CALCRL: variants seen among roughly 807,000 people sequenced by gnomAD.
CALCRL encodes calcitonin gene-related peptide type 1 receptor.
In CALCRL, 27 loss-of-function variants were observed where a neutral mutation model predicts 60.4. The ratio of observed to expected loss-of-function variants is 0.45; its 90% confidence interval spans 0.33 to 0.62. The LOEUF (loss-of-function observed/expected upper bound fraction) is 0.62, where lower values mean the gene tolerates loss of function less well. Ranked by LOEUF, CALCRL falls within the 20% of genes least tolerant of loss-of-function variation. CALCRL has a pLI of 0.03. For synonymous variants in CALCRL, 190 were observed against 182.6 expected, an observed-to-expected ratio of 1.04 and a Z score of -0.33; for missense variants, 424 against 540.7, an observed-to-expected ratio of 0.78 and a Z score of 2.14.
chr2:187,403,716 T>C (rs1013885306), intron 1 of CALCRL, among the ~76,000 whole-genome samples: 15 of 151,658 alleles, frequency 9.9e-5, no homozygotes, highest in Admixed American at 6.6e-5. Context: ...AAGCTTGAGG[T>C]CTCTGGGGAA....
chr2:187,375,969 T>C (rs1687740364), intron 8 of CALCRL, among the ~76,000 whole-genome samples: 1 of 152,216 alleles, frequency 6.6e-6, no homozygotes. Context: ...ATACAGTTTA[T>C]GTGTGTAGAC....
At chr2:187,435,865 C>CGTGT (rs5837037) in intron 1 of CALCRL, among the ~76,000 whole-genome samples, 46,688 of 148,120 alleles carry the variant, frequency 0.32, 7,365 homozygotes, top group East Asian at 0.47. Flanking sequence ...TGTGTTTGTG[C>CGTGT]GTGCGTGTGT....
At chr2:187,405,531 C>A (rs1315406840) in intron 1 of CALCRL, among the ~76,000 whole-genome samples, 1 of 151,898 alleles carries the variant, frequency 6.6e-6, no homozygotes, top group Non-Finnish European at 1.5e-5. Context: ...CTCATCATCC[C>A]GAGGACAGTA....
intron 1 of CALCRL, among the ~76,000 whole-genome samples, chr2:187,414,446 C>A (rs1003731896): frequency 6.6e-6 from 1 of 152,118 alleles, no homozygotes; most frequent in African/African-American, 2.4e-5. Flanking sequence ...TTAATGTAGG[C>A]AGCAGCATGT....
chr2:187,429,181 T>A (rs1224020171), intron 1 of CALCRL, among the ~76,000 whole-genome samples: 1 of 151,908 alleles, frequency 6.6e-6, no homozygotes, highest in Non-Finnish European at 1.5e-5. Flanking sequence ...CCCTTTATAT[T>A]TTTTTTATTT....
In CALCRL at chr2:187,379,110, A is replaced by G. The variant is rs891996630; in HGVS notation, c.409-79T>C. ...GTAATCCCACACATGCAGAAGTTCA[A>G]ATTCAGTTGAATAAACTATATTTTT... On this transcript the variant is annotated intron_variant, in intron 7 of 14. Transcript: ENST00000392370. 5 of 705,788 alleles carry G rather than the reference A, an allele frequency of 7.1e-6. No individual in the cohort carries two copies. In the African/African-American group the frequency reaches 8.8e-5, roughly 12 times the overall value. 43.7% of individuals were successfully genotyped at this position (705,788 alleles called of 1,614,324 possible).
rs928406450 is a variant in CALCRL at position 187,387,865 on chromosome 2, A to G, written c.-292-109T>C. The G allele has an allele frequency of 1.4e-4, 53 of 367,664 alleles. 1 individual carries two copies. The highest frequency in any genetic ancestry group is 1.4e-5 in the Non-Finnish European group (3 of 207,834). 22.8% of individuals were successfully genotyped at this position (367,664 alleles called of 1,614,324 possible). ...ATACTGCTACTAAGATCATATTTTT[A>G]TTGAACAATTCCAACTTTGAAAAGC... On this transcript the variant is annotated intron_variant, in intron 1 of 14. Coordinates refer to ENST00000392370, the MANE Select transcript of CALCRL (RefSeq NM_005795.6).
intron 1 of CALCRL, among the ~76,000 whole-genome samples, chr2:187,391,226 C>T: frequency 6.6e-6 from 1 of 152,160 alleles, no homozygotes; most frequent in East Asian, 1.9e-4. Flanking sequence ...TCAGCAAGTA[C>T]TTCTCTCTAT....
chr2:187,438,413 A>G (rs1347130923), intron 1 of CALCRL, among the ~76,000 whole-genome samples: 2 of 152,228 alleles, frequency 1.3e-5, no homozygotes, highest in African/African-American at 4.8e-5. Context: ...TTAATAAATT[A>G]CAGACTGACA....
At chr2:187,386,051 C>G (rs1251543521) in intron 3 of CALCRL, among the ~76,000 whole-genome samples, 2 of 152,022 alleles carry the variant, frequency 1.3e-5, no homozygotes, top group African/African-American at 4.8e-5. Flanking sequence ...TGTTTAAGAA[C>G]ATTATGGTGT....
At chr2:187,435,891 T>TGTGTGTGC (rs1194585803) in intron 1 of CALCRL, among the ~76,000 whole-genome samples, 2 of 151,586 alleles carry the variant, frequency 1.3e-5, no homozygotes, top group Non-Finnish European at 2.9e-5. Flanking sequence ...TGTGTGTGTG[T>TGTGTGTGC]GTGTATTTAC....
In CALCRL at chr2:187,380,705, A is replaced by G. The variant is rs1687949466; in HGVS notation, c.267T>C (p.Pro89=). 7 of 1,613,930 alleles carry G rather than the reference A, an allele frequency of 4.3e-6. No homozygotes were observed. The highest frequency in any genetic ancestry group is 1.7e-5 in the Admixed American group (1 of 59,990). Residue 89 remains proline, a synonymous_variant, in exon 6 of 15, where the codon CCT becomes CCC. Transcript: ENST00000392370. ...AAGTESMQLC[P]DYFQDFDPSE... Reference sequence around the variant, plus strand: ...ATGGATCAAAGTCCTGAAAGTAATCAGGGCAGAGCTGCATTGATTCAGTTC... The same window carrying G: ...ATGGATCAAAGTCCTGAAAGTAATCGGGGCAGAGCTGCATTGATTCAGTTC...
chr2:187,411,104 C>G (rs1232096108), intron 1 of CALCRL, among the ~76,000 whole-genome samples: 1 of 152,036 alleles, frequency 6.6e-6, no homozygotes, highest in Non-Finnish European at 1.5e-5. Context: ...AACAAATTTT[C>G]TCTTTTAAAT....
intron 1 of CALCRL, among the ~76,000 whole-genome samples, chr2:187,432,646 A>G (rs937444484): frequency 6.6e-6 from 1 of 152,132 alleles, no homozygotes; most frequent in Non-Finnish European, 1.5e-5. Flanking sequence ...AAAACATATT[A>G]TATATCACTA....
intron 10 of CALCRL, 90 bp from the exon 11 acceptor site, chr2:187,359,362 A>G: frequency 1.1e-6 from 1 of 929,340 alleles, no homozygotes; most frequent in South Asian, 1.8e-5. Context: ...AAATTCAAAG[A>G]TACTCTAGGA....
intron 1 of CALCRL, among the ~76,000 whole-genome samples, chr2:187,427,840 G>A (rs1269092483): frequency 3.3e-5 from 5 of 152,108 alleles, no homozygotes; most frequent in Admixed American, 6.5e-5. Flanking sequence ...AAAAGAGAGA[G>A]GCCAAAATAG....
At chr2:187,414,893 A>ATT (rs751479878) in intron 1 of CALCRL, among the ~76,000 whole-genome samples, 7,875 of 124,152 alleles carry the variant, frequency 0.063, 272 homozygotes, top group South Asian at 0.11. Context: ...TTTTTTTAAA[A>ATT]AAAAAAAGGT....
At chr2:187,433,292 C>T (rs1399872088) in intron 1 of CALCRL, among the ~76,000 whole-genome samples, 1 of 151,896 alleles carries the variant, frequency 6.6e-6, no homozygotes, top group East Asian at 1.9e-4. Context: ...TCATCCCAGC[C>T]AAAAATGCTA....
intron 1 of CALCRL, among the ~76,000 whole-genome samples, chr2:187,401,877 ATACTCCTTCTATGGAGCTATTACATG>A (rs1688901667): frequency 6.6e-6 from 1 of 151,456 alleles, no homozygotes; most frequent in Non-Finnish European, 1.5e-5. Context: ...CATCCTAACT[ATACTCCTTCTATGGAGCTATTACATG>A]GTGAAAGAAA....
Sources: allele counts gnomAD v4.1 joint callset (sites outside exome capture counted in the v4.1 genomes callset), GRCh38; gene constraint gnomAD v4.1.1; transcripts MANE v1.5; gene names NCBI Gene and HGNC (gene_info 2026-07-23, HGNC 2026-07-21).